The following FAF1 variants were observed in gnomAD, a reference collection of about 807,000 sequenced individuals.
The protein encoded by FAF1 is FAS-associated factor 1.
Under a neutral mutation model 92.5 loss-of-function variants are expected in FAF1, and 25 were observed. That is an observed-to-expected ratio of 0.27 (90% CI 0.20 to 0.38). The LOEUF (loss-of-function observed/expected upper bound fraction) is 0.38, where lower values mean the gene tolerates loss of function less well. Ranked by LOEUF, FAF1 falls within the 10% of genes least tolerant of loss-of-function variation. The probability of loss-of-function intolerance (pLI) is 1.00; values close to 1 mark genes in which losing one functional copy is unlikely to be tolerated. For missense variants in FAF1, 636 were observed against 793.3 expected (o/e 0.80, Z 2.38); for synonymous variants, 234 against 273.2 (o/e 0.86, Z 1.42).
intron 1 of FAF1, among the ~76,000 whole-genome samples, chr1:50,880,665 C>T (rs1319861878): frequency 6.6e-6 from 1 of 152,156 alleles, no homozygotes; most frequent in African/African-American, 2.4e-5. Context: ...GACTTCTAGC[C>T]TCCAGAACTG....
At chr1:50,523,136 G>A (rs1647592990) in intron 15 of FAF1, among the ~76,000 whole-genome samples, 1 of 152,036 alleles carries the variant, frequency 6.6e-6, no homozygotes, top group Non-Finnish European at 1.5e-5. Context: ...CCATTGTATG[G>A]ATATACCATA....
At chr1:50,648,257 TCAAAACAAAA>T (rs548826664) in intron 8 of FAF1, among the ~76,000 whole-genome samples, 30 of 151,840 alleles carry the variant, frequency 2.0e-4, no homozygotes, top group Admixed American at 4.6e-4. Context: ...AAACTCCGTC[TCAAAACAAAA>T]CAAAACAAAA....
intron 2 of FAF1, among the ~76,000 whole-genome samples, chr1:50,818,465 C>T (rs997229441): frequency 6.6e-6 from 1 of 152,166 alleles, no homozygotes; most frequent in Non-Finnish European, 1.5e-5. Context: ...CCGGATACAA[C>T]CAAAATGTCC....
chr1:50,707,393 T>C (rs1657722763), intron 6 of FAF1, among the ~76,000 whole-genome samples: 3 of 152,088 alleles, frequency 2.0e-5, no homozygotes, highest in Non-Finnish European at 2.9e-5. Flanking sequence ...TTTGTCATTA[T>C]ATCCATAAAA....
chr1:50,836,007 A>G (rs1644197708), intron 2 of FAF1, among the ~76,000 whole-genome samples: 1 of 152,140 alleles, frequency 6.6e-6, no homozygotes, highest in African/African-American at 2.4e-5. Flanking sequence ...GCTGGCTATG[A>G]TCTTGGGAAT....
At position 50,889,542 on chromosome 1, in the gene FAF1, C is replaced by A. The variant is rs550044749; in HGVS notation, c.46-31545G>T. Among the ~76,000 whole-genome samples the A allele has an allele frequency of 4.9e-3, 736 of 151,412 alleles. 3 individuals are homozygous for A. The highest frequency in any genetic ancestry group is 0.01 in the Middle Eastern group (3 of 294). On this transcript the variant is annotated intron_variant, in intron 1 of 18. Coordinates refer to ENST00000396153, the MANE Select transcript of FAF1 (RefSeq NM_007051.3). ...CCTCTACACACTGCTTTAAATGTGT[C>A]CCAGAGGTTCTGGTATGTTGTGTCT... is the stretch of plus-strand genomic sequence containing the variant.
At chr1:50,745,910 G>A (rs1412549731) in intron 4 of FAF1, among the ~76,000 whole-genome samples, 1 of 152,066 alleles carries the variant, frequency 6.6e-6, no homozygotes, top group East Asian at 1.9e-4. Context: ...AAGACAAGAA[G>A]ATGAGGGAAA....
At chr1:50,589,459 T>C (rs1651399651) in intron 9 of FAF1, among the ~76,000 whole-genome samples, 1 of 152,188 alleles carries the variant, frequency 6.6e-6, no homozygotes, top group Admixed American at 6.5e-5. Context: ...CTGGGCTGTG[T>C]TCCCAGGCCA....
chr1:50,793,548 T>G (rs1661638927), intron 3 of FAF1, among the ~76,000 whole-genome samples: 1 of 152,200 alleles, frequency 6.6e-6, no homozygotes, highest in African/African-American at 2.4e-5. Flanking sequence ...TGGTAGATAT[T>G]CCATATTGCT....
intron 1 of FAF1, among the ~76,000 whole-genome samples, chr1:50,892,295 T>G (rs770372086): frequency 1.2e-4 from 19 of 152,170 alleles, no homozygotes; most frequent in Non-Finnish European, 2.5e-4. Flanking sequence ...TCCCTGACGC[T>G]TCATGCTTCC....
intron 4 of FAF1, among the ~76,000 whole-genome samples, chr1:50,784,355 T>C (rs1661289869): frequency 1.3e-5 from 2 of 152,184 alleles, no homozygotes; most frequent in African/African-American, 4.8e-5. Flanking sequence ...TTTTATAAGA[T>C]GCAAAATCAA....
chr1:50,813,253 A>C (rs915475631), intron 2 of FAF1, among the ~76,000 whole-genome samples: 1 of 152,212 alleles, frequency 6.6e-6, no homozygotes, highest in African/African-American at 2.4e-5. Context: ...AAAAATTGAA[A>C]AAAAATTTCA....
At position 50,921,970 on chromosome 1, in the gene FAF1, C is replaced by T. The variant is rs541848962; in HGVS notation, c.45+37797G>A. Among the ~76,000 whole-genome samples, 3 of 151,588 alleles carry T rather than the reference C, an allele frequency of 2.0e-5. No individual in the cohort carries two copies. The South Asian group carries it at 6.3e-4, about 32-fold the overall frequency. ...TCACCTGAGGCCAGGAGTTCAAGAC[C>T]AGCCCGGCTAACATGGTGAAACCCC... On this transcript the variant is annotated intron_variant, in intron 1 of 18. Coordinates refer to ENST00000396153, the MANE Select transcript of FAF1 (RefSeq NM_007051.3).
At chr1:50,927,343 G>A (rs1336195671) in intron 1 of FAF1, among the ~76,000 whole-genome samples, 1 of 152,104 alleles carries the variant, frequency 6.6e-6, no homozygotes, top group African/African-American at 2.4e-5. Flanking sequence ...CACTTTGGGA[G>A]GCCGAGGCGG....
chr1:50,557,638 C>T (rs1025360035), intron 13 of FAF1, among the ~76,000 whole-genome samples: 3 of 152,130 alleles, frequency 2.0e-5, no homozygotes, highest in African/African-American at 7.2e-5. Context: ...AACCAAATTA[C>T]TTATATCACT....
chr1:50,558,646 G>A (rs1572833118), intron 13 of FAF1, among the ~76,000 whole-genome samples: 1 of 152,156 alleles, frequency 6.6e-6, no homozygotes, highest in Non-Finnish European at 1.5e-5. Flanking sequence ...AACTTAAAAT[G>A]TTATTCTTTT....
intron 8 of FAF1, among the ~76,000 whole-genome samples, chr1:50,631,543 T>C (rs72900924): frequency 2.6e-3 from 394 of 152,262 alleles, no homozygotes; most frequent in African/African-American, 9.0e-3. Context: ...AATTCAGATA[T>C]GACAAAGAGA....
At chr1:50,474,024 A>G (rs1437618649) in intron 18 of FAF1, among the ~76,000 whole-genome samples, 1 of 152,240 alleles carries the variant, frequency 6.6e-6, no homozygotes, top group Non-Finnish European at 1.5e-5. Context: ...CTCCATATAT[A>G]TATCTGTTAT....
chr1:50,933,819 T>C (rs1474348837), intron 1 of FAF1, among the ~76,000 whole-genome samples: 1 of 152,154 alleles, frequency 6.6e-6, no homozygotes, highest in Non-Finnish European at 1.5e-5. Context: ...TTGAGAATCA[T>C]GACAGAAGTT....
Sources: gnomAD v4.1 joint callset for allele counts (sites outside exome capture counted in the v4.1 genomes callset) on GRCh38, gnomAD v4.1.1 for gene constraint, MANE v1.5 for transcripts, NCBI Gene and HGNC (gene_info 2026-07-23, HGNC 2026-07-21) for gene names.